Variants in ACTR3C observed in about 807,000 individuals in gnomAD.
ACTR3C encodes the protein actin-related protein 3C.
A neutral mutation model predicts 26.3 loss-of-function variants in ACTR3C; 18 were observed. The observed-to-expected ratio is 0.68, with a 90% CI of 0.47 to 1.01. ACTR3C has a LOEUF of 1.01. ACTR3C is among the 50% of genes least tolerant of loss of function. ACTR3C has a pLI of 0.00. For missense variants in ACTR3C, 184 were observed against 250.7 expected, an observed-to-expected ratio of 0.73 and a Z score of 1.80; for synonymous variants, 55 against 94.5, an observed-to-expected ratio of 0.58 and a Z score of 2.42.
At chr7:150,262,758 G>A (rs1833741204) in intron 6 of ACTR3C, among the ~76,000 whole-genome samples, 1 of 151,906 alleles carries the variant, frequency 6.6e-6, no homozygotes, top group Non-Finnish European at 1.5e-5. Flanking sequence ...ATAATAAATG[G>A]AAAACTGGAG....
chr7:150,219,635 C>T, the ACTR3C span, among the ~76,000 whole-genome samples: 56 of 137,336 alleles, frequency 4.1e-4, 4 homozygotes, highest in Non-Finnish European at 7.4e-5. Context: ...TTTCCCAAGT[C>T]CCTCACACTC....
chr7:150,089,336 G>A, the ACTR3C span, among the ~76,000 whole-genome samples: 2 of 152,192 alleles, frequency 1.3e-5, no homozygotes, highest in African/African-American at 2.4e-5. Context: ...CAGCTGAAAG[G>A]ACAGATTCTC....
At chr7:150,040,197 G>A in the ACTR3C span, among the ~76,000 whole-genome samples, 2 of 148,326 alleles carry the variant, frequency 1.3e-5, no homozygotes, top group African/African-American at 5.0e-5. Context: ...TAGCAGGGCA[G>A]TTGCTGCCAA....
the ACTR3C span, among the ~76,000 whole-genome samples, chr7:150,205,984 G>A: frequency 6.6e-6 from 1 of 152,190 alleles, no homozygotes; most frequent in East Asian, 1.9e-4. Flanking sequence ...TTCATTTTCT[G>A]TCACTTTTAC....
chr7:150,218,340 C>T, the ACTR3C span, among the ~76,000 whole-genome samples: 1 of 152,250 alleles, frequency 6.6e-6, no homozygotes, highest in East Asian at 1.9e-4. Flanking sequence ...CAAACAACAA[C>T]TTAAGTGTGT....
chr7:150,040,911 G>A, the ACTR3C span, among the ~76,000 whole-genome samples: 9 of 149,584 alleles, frequency 6.0e-5, 3 homozygotes, highest in South Asian at 4.2e-4. Context: ...TTGCCCAAGA[G>A]TCAGCTTATT....
the ACTR3C span, among the ~76,000 whole-genome samples, chr7:150,172,756 A>G: frequency 1.3e-3 from 189 of 150,940 alleles, 16 homozygotes; most frequent in African/African-American, 4.6e-3. Context: ...CTTCCTAGAT[A>G]CAATGGAGGT....
the ACTR3C span, among the ~76,000 whole-genome samples, chr7:149,884,688 A>G: frequency 6.6e-6 from 1 of 152,174 alleles, no homozygotes; most frequent in Non-Finnish European, 1.5e-5. Context: ...TCCAGGGATG[A>G]AGGAGGCTGG....
chr7:150,011,457 C>T, the ACTR3C span, among the ~76,000 whole-genome samples: 2 of 152,072 alleles, frequency 1.3e-5, no homozygotes, highest in African/African-American at 4.8e-5. Context: ...TGATGGTGAG[C>T]GCCTGTTATC....
chr7:150,208,417 T>TGG, the ACTR3C span, among the ~76,000 whole-genome samples: 1 of 152,148 alleles, frequency 6.6e-6, no homozygotes, highest in Admixed American at 6.5e-5. Flanking sequence ...CTGGAGGCAG[T>TGG]GGTGCCCTGA....
the ACTR3C span, among the ~76,000 whole-genome samples, chr7:150,169,414 A>T: frequency 1.3e-5 from 2 of 149,398 alleles, no homozygotes; most frequent in African/African-American, 2.5e-5. Context: ...AAGAAGAAGA[A>T]GATGGAGGGA....
At chr7:150,235,269 A>C in the ACTR3C span, among the ~76,000 whole-genome samples, 1 of 152,246 alleles carries the variant, frequency 6.6e-6, no homozygotes, top group South Asian at 2.1e-4. Context: ...TAAGCAAGAC[A>C]ACACAATAGA....
chr7:150,091,837 A>T, the ACTR3C span, among the ~76,000 whole-genome samples: 1 of 150,882 alleles, frequency 6.6e-6, no homozygotes, highest in Non-Finnish European at 1.5e-5. Context: ...AAAAAAAAAA[A>T]ATTAGCCGGG....
At chr7:150,063,945 C>T in the ACTR3C span, among the ~76,000 whole-genome samples, 1 of 151,926 alleles carries the variant, frequency 6.6e-6, no homozygotes, top group African/African-American at 2.4e-5. Flanking sequence ...CAAGTGACTA[C>T]CAAAGCGGCA....
chr7:149,886,779 A>G, the ACTR3C span, among the ~76,000 whole-genome samples: 5 of 152,094 alleles, frequency 3.3e-5, no homozygotes, highest in African/African-American at 1.2e-4. Flanking sequence ...GTCATAGTGA[A>G]ACCCTGTCTC....
chr7:150,304,677 A>C (rs961849773), intron 1 of ACTR3C, among the ~76,000 whole-genome samples: 1 of 150,824 alleles, frequency 6.6e-6, no homozygotes, highest in Non-Finnish European at 1.5e-5. Context: ...ATTATCATCC[A>C]TGCACTGCCC....
chr7:150,309,516 C>T (rs886989931), intron 1 of ACTR3C, among the ~76,000 whole-genome samples: 5 of 152,222 alleles, frequency 3.3e-5, no homozygotes, highest in African/African-American at 1.2e-4. Context: ...CAACTGCTTG[C>T]GCCTGCTGTA....
the ACTR3C span, among the ~76,000 whole-genome samples, chr7:150,176,560 T>C: frequency 0.16 from 24,443 of 150,638 alleles, 4,370 homozygotes; most frequent in African/African-American, 0.39. Flanking sequence ...TTACATTCTT[T>C]TGAATACCTC....
chr7:150,045,885 TC>T, the ACTR3C span, among the ~76,000 whole-genome samples: 2 of 152,186 alleles, frequency 1.3e-5, no homozygotes, highest in African/African-American at 2.4e-5. Context: ...CAATTTTAAG[TC>T]AGATTTAAGG....
Sources: allele counts gnomAD v4.1 joint callset (sites outside exome capture counted in the v4.1 genomes callset), GRCh38; gene constraint gnomAD v4.1.1; transcripts MANE v1.5; gene names NCBI Gene and HGNC (gene_info 2026-07-23, HGNC 2026-07-21).